The following NDUFA10 variants were observed in gnomAD, a reference collection of about 807,000 sequenced individuals.
NDUFA10 encodes the protein NADH:ubiquinone oxidoreductase subunit A10.
In NDUFA10, 40 loss-of-function variants were observed where a neutral mutation model predicts 47.8. That is an observed-to-expected ratio of 0.84 (90% CI 0.65 to 1.09). The LOEUF (loss-of-function observed/expected upper bound fraction) is 1.09, where lower values mean the gene tolerates loss of function less well. Among genes scored for constraint, NDUFA10 ranks in the 50% least tolerant of loss-of-function variants. The pLI, the probability that NDUFA10 is intolerant of heterozygous loss-of-function variation, is 0.00. For missense variants in NDUFA10, 413 were observed against 451.1 expected (o/e 0.92, Z 0.76); for synonymous variants, 183 against 172.2 (o/e 1.06, Z -0.49).
intron 9 of NDUFA10, chr2:239,973,421 A>G: frequency 4.5e-6 from 2 of 441,376 alleles, no homozygotes; most frequent in Non-Finnish European, 9.2e-6. Flanking sequence ...GTTAATAAAA[A>G]CATCTCTGTT....
Position 240,018,353 on chromosome 2 carries a change from CAA to C in NDUFA10, c.547+198_547+199del. On this transcript the variant is annotated intron_variant, in intron 4 of 9. Coordinates refer to ENST00000252711, the MANE Select transcript of NDUFA10 (RefSeq NM_004544.4). ...GCTTTCACAGGGAGACATGACAGCACAAAAGACACCTATTTCAGGAGGGAGAA... is the reference window on the plus strand; with the variant it reads ...GCTTTCACAGGGAGACATGACAGCACAAGACACCTATTTCAGGAGGGAGAA... 2.0e-6 allele frequency: 3 copies of C among 1,481,530 alleles called. No homozygotes were observed. In the South Asian group the frequency reaches 3.8e-5, roughly 19 times the overall value. The allele number at this position is 1,481,530 out of a possible 1,614,324, so 91.8% of individuals were successfully genotyped here.
intron 4 of NDUFA10, among the ~76,000 whole-genome samples, chr2:239,896,619 CT>C (rs1693403378): frequency 6.6e-6 from 1 of 152,212 alleles, no homozygotes; most frequent in Admixed American, 6.5e-5. Context: ...AACAAACCAA[CT>C]GTAAAAACAC....
At chr2:239,927,340 G>A (rs61285275) in intron 4 of NDUFA10, among the ~76,000 whole-genome samples, 25,434 of 152,092 alleles carry the variant, frequency 0.17, 3,179 homozygotes, top group African/African-American at 0.36. Context: ...ATCAAAAAGT[G>A]TATGAAGTAA....
At chr2:239,893,042 G>A (rs1324125416) in intron 5 of NDUFA10, among the ~76,000 whole-genome samples, 1 of 152,150 alleles carries the variant, frequency 6.6e-6, no homozygotes, top group East Asian at 1.9e-4. Flanking sequence ...ACCCTCACTG[G>A]GGGTTGTAGC....
intron 2 of NDUFA10, 25 bp downstream of exon 2, chr2:240,022,147 C>A (rs1697649077): frequency 1.3e-6 from 2 of 1,588,634 alleles, no homozygotes; most frequent in Non-Finnish European, 1.7e-6. Context: ...AAAAAGGTAT[C>A]ATTCTGTGTA....
At chr2:239,910,189 A>G (rs1053118052) in intron 4 of NDUFA10, among the ~76,000 whole-genome samples, 1 of 152,198 alleles carries the variant, frequency 6.6e-6, no homozygotes, top group Non-Finnish European at 1.5e-5. Flanking sequence ...CAGAAATACC[A>G]TTTGACCCAG....
At position 239,899,447 on chromosome 2, in the gene NDUFA10, T is replaced by G. The variant is rs112561771; in HGVS notation, c.295-4133A>C. Among the ~76,000 whole-genome samples the G allele has an allele frequency of 9.1e-3, 341 of 37,564 alleles. 5 individuals carry two copies. The highest frequency in any genetic ancestry group is 0.021 in the Middle Eastern group (1 of 48). The allele number at this position is 37,564 out of a possible 152,430, so 24.6% of individuals were successfully genotyped here. A position where few individuals can be genotyped will look rare whatever the true frequency, so the allele number is the denominator to read the frequency against. ...GGGTGTGATGGAGGAATGTGGAGGG[T>G]TGTGATGGAGGGGTGTGACGGAGGG... is the stretch of plus-strand genomic sequence containing the variant. On this transcript the variant is annotated intron_variant, in intron 4 of 5. Transcript: ENST00000419408.
chr2:239,896,964 T>C (rs1043056410), intron 4 of NDUFA10, among the ~76,000 whole-genome samples: 1 of 152,238 alleles, frequency 6.6e-6, no homozygotes. Context: ...AAATAACATA[T>C]GTATGTGTGT....
intron 4 of NDUFA10, among the ~76,000 whole-genome samples, chr2:239,909,656 C>T (rs1693715289): frequency 6.6e-6 from 1 of 151,956 alleles, no homozygotes; most frequent in South Asian, 2.1e-4. Context: ...AGAAGAAAAT[C>T]TAGGCAATAT....
chr2:239,924,118 C>T (rs1388427479), intron 4 of NDUFA10, among the ~76,000 whole-genome samples: 1 of 152,068 alleles, frequency 6.6e-6, no homozygotes, highest in Non-Finnish European at 1.5e-5. Context: ...TTCTACCAAA[C>T]ATTCAAAGAG....
intron 4 of NDUFA10, among the ~76,000 whole-genome samples, chr2:239,918,585 C>G (rs1176156859): frequency 6.6e-6 from 1 of 152,216 alleles, no homozygotes; most frequent in Non-Finnish European, 1.5e-5. Flanking sequence ...GTTCCCTCCC[C>G]TCCTGCAGTG....
rs74002048 is a variant in NDUFA10, at chr2:239,965,555, G to A, written c.1000-4369C>T. Among the ~76,000 whole-genome samples, 598 of 152,270 alleles carry A rather than the reference G, an allele frequency of 3.9e-3. 4 individuals carry two copies. Among genetic ancestry groups the A allele is most frequent in the African/African-American group, 0.014 (571 of 41,544 alleles). On this transcript the variant is annotated intron_variant, in intron 9 of 9. Coordinates refer to ENST00000252711, the MANE Select transcript of NDUFA10 (RefSeq NM_004544.4). The stretch of plus-strand genomic sequence containing the variant: ...ACGGGCCTCGTCAGACCTTCCTCCC[G>A]AGCCACGCTTTCCCGGATCTGCTCG...
At chr2:240,000,124 G>T (rs755956414) in intron 8 of NDUFA10, among the ~76,000 whole-genome samples, 2 of 152,216 alleles carry the variant, frequency 1.3e-5, no homozygotes, top group Non-Finnish European at 2.9e-5. Context: ...CCATGTTACT[G>T]CTTTAGGTTA....
intron 4 of NDUFA10, among the ~76,000 whole-genome samples, chr2:239,930,868 G>A (rs1396711466): frequency 1.1e-5 from 1 of 88,552 alleles, no homozygotes; most frequent in Non-Finnish European, 2.3e-5. Context: ...TGCCCAGGAG[G>A]GGGGGCAGGG....
At position 239,981,901 on chromosome 2, in the gene NDUFA10, T is replaced by TA. The variant is rs4149565; in HGVS notation, c.999+8172dup. On this transcript the variant is annotated intron_variant, in intron 9 of 9. Transcript: ENST00000252711. Reference sequence around the variant, plus strand: ...TGGCTAAAACACATATTTTCAACATTAAAAAAAAAAAAGTCTCCCAGAAAG... The same window carrying TA: ...TGGCTAAAACACATATTTTCAACATTAAAAAAAAAAAAAGTCTCCCAGAAAG... Among the ~76,000 whole-genome samples the TA allele has an allele frequency of 1.3e-3, 192 of 144,574 alleles. 1 individual carries two copies. The highest frequency in any genetic ancestry group is 4.0e-3 in the South Asian group (18 of 4,530). 94.8% of individuals were successfully genotyped at this position (144,574 alleles called of 152,430 possible).
intron 4 of NDUFA10, among the ~76,000 whole-genome samples, chr2:239,921,174 C>G (rs1001359312): frequency 6.6e-6 from 1 of 152,116 alleles, no homozygotes; most frequent in South Asian, 2.1e-4. Context: ...GGGGCATGAG[C>G]CGTGTAGGTA....
chr2:240,010,159 G>C (rs2106479501), intron 6 of NDUFA10, among the ~76,000 whole-genome samples: 1 of 152,308 alleles, frequency 6.6e-6, no homozygotes, highest in South Asian at 2.1e-4. Flanking sequence ...TCTTCAATGT[G>C]TGACAAATGA....
chr2:239,982,365 T>A, intron 9 of NDUFA10: 1 of 1,196,632 alleles, frequency 8.4e-7, no homozygotes, highest in Non-Finnish European at 1.1e-6. Flanking sequence ...TTGTATTTAC[T>A]GTTTCTTCTA....
At chr2:239,983,761 A>C in intron 9 of NDUFA10, 1 of 1,540,080 alleles carries the variant, frequency 6.5e-7, no homozygotes, top group Non-Finnish European at 8.8e-7. Flanking sequence ...AGAGTCTACA[A>C]AATACCTCAC....
Sources: gnomAD v4.1 joint callset for allele counts (sites outside exome capture counted in the v4.1 genomes callset) on GRCh38, gnomAD v4.1.1 for gene constraint, MANE v1.5 for transcripts, NCBI Gene and HGNC (gene_info 2026-07-23, HGNC 2026-07-21) for gene names.